The following SUPT5H variants were observed in gnomAD, a reference collection of about 807,000 sequenced individuals.
SUPT5H encodes the protein transcription elongation factor SPT5.
Under a neutral mutation model 142.5 loss-of-function variants are expected in SUPT5H, and 24 were observed. The ratio of observed to expected loss-of-function variants is 0.17; its 90% confidence interval spans 0.12 to 0.24. The LOEUF is 0.24. SUPT5H is among the 10% of genes least tolerant of loss of function. The pLI is 1.00. For synonymous variants in SUPT5H, 546 were observed against 553.0 expected (o/e 0.99, Z 0.18); for missense variants, 893 against 1,471.8 (o/e 0.61, Z 6.43).
chr19:39,458,706 ATCTTC>A lies in SUPT5H; in HGVS notation c.320-111_320-107del. The A allele has an allele frequency of 1.0e-6, 1 of 998,778 alleles. No individual in the cohort carries two copies. Among genetic ancestry groups the A allele is most frequent in the Non-Finnish European group, 1.5e-6 (1 of 679,820 alleles). 61.9% of individuals were successfully genotyped at this position (998,778 alleles called of 1,614,324 possible). On this transcript the variant is annotated intron_variant, in intron 5 of 29. Coordinates refer to ENST00000432763, the MANE Select transcript of SUPT5H (RefSeq NM_001111020.3). This position sits in a 1 kb window ranked among gnomAD's most constrained non-coding sequence, Gnocchi z 4.2. The stretch of plus-strand genomic sequence containing the variant: ...GTTGGGATTTCCTCTGTGAGATGTC[ATCTTC>A]CTGCCCCAGGGCCAAACCCTGGCCC...
At chr19:39,447,539 C>T (rs947725546) in intron 2 of SUPT5H, among the ~76,000 whole-genome samples, 17 of 150,662 alleles carry the variant, frequency 1.1e-4, no homozygotes, top group Admixed American at 4.0e-4. Context: ...CAACCTCAGC[C>T]TCCCGAGTAG....
chr19:39,451,779 G>T (rs1237602457), intron 2 of SUPT5H, among the ~76,000 whole-genome samples: 1 of 152,160 alleles, frequency 6.6e-6, no homozygotes, highest in Non-Finnish European at 1.5e-5. Context: ...TGATCCACCC[G>T]CTTTGGCCTC....
intron 2 of SUPT5H, among the ~76,000 whole-genome samples, chr19:39,451,298 C>T (rs1258848516): frequency 6.7e-6 from 1 of 149,910 alleles, no homozygotes; most frequent in Non-Finnish European, 1.5e-5. Context: ...AAACAATCCT[C>T]CTGCCTCAGC....
At position 39,474,327 on chromosome 19, in the gene SUPT5H, G is replaced by A. The variant is rs201982169; in HGVS notation, c.2745G>A (p.Ala915=). 12 of 1,613,830 alleles carry A rather than the reference G, an allele frequency of 7.4e-6. No individual in the cohort carries two copies. The highest frequency in any genetic ancestry group is 6.7e-5 in the East Asian group (3 of 44,872). Reference sequence around the variant, plus strand: ...GCCCCCAGAGCTACCACCAGGTGGCGCCAAGCCCAGCAGGCTACCAGAATA... The same window carrying A: ...GCCCCCAGAGCTACCACCAGGTGGCACCAAGCCCAGCAGGCTACCAGAATA... ...SPSPQSYHQV[A]PSPAGYQNTH... Residue 915 remains alanine (A), a synonymous_variant, in exon 27 of 30, where the codon GCG becomes GCA. Transcript: ENST00000432763. This position sits in a 1 kb window ranked among gnomAD's most constrained non-coding sequence, Gnocchi z 6.5.
intron 2 of SUPT5H, among the ~76,000 whole-genome samples, chr19:39,451,439 G>A (rs186946863): frequency 5.9e-5 from 9 of 151,712 alleles, no homozygotes; most frequent in East Asian, 3.9e-4. Flanking sequence ...CAGGTGATCC[G>A]CGCGAGCCAC....
In SUPT5H at chr19:39,469,298, A is replaced by G. The variant is rs753571894; in HGVS notation, c.1274A>G (p.Asn425Ser). 3.7e-6 allele frequency: 6 copies of G among 1,614,190 alleles called. No individual in the cohort carries two copies. Among genetic ancestry groups the G allele is most frequent in the Non-Finnish European group, 5.1e-6 (6 of 1,180,016 alleles). The change falls in exon 16 of 30, where the codon AAC becomes AGC. Residue 425 changes from asparagine to serine, a missense_variant. By Grantham distance (46) the Asn-to-Ser change is conservative. Around this residue, in one of 6 missense-constraint regions of SUPT5H, gnomAD observed 428 missense variants for 763.5 expected, o/e 0.56. Coordinates refer to ENST00000432763, the MANE Select transcript of SUPT5H (RefSeq NM_001111020.3). The surrounding 1 kb of genome is among the most constrained non-coding windows in gnomAD (Gnocchi z 5.1). ...GAGCACAACTTCCAACCTGGGGACA[A>G]CGTGGAGGTCTGTGAGGGTGAGCTC... Reference protein sequence around the residue: ...EREHNFQPGDNVEVCEGELIN... With the variant: ...EREHNFQPGDSVEVCEGELIN...
At position 39,473,006 on chromosome 19, in the gene SUPT5H, C is replaced by G. The variant is rs374819734; in HGVS notation, c.2156-6C>G. ...CTGCCCAGCCTGACCTCCTGTCCCC[C>G]TGCAGGCTACATCGGTGTGGTGAAA... On this transcript the variant is annotated splice_polypyrimidine_tract_variant and splice_region_variant and intron_variant, in intron 22 of 29. Coordinates refer to ENST00000432763, the MANE Select transcript of SUPT5H (RefSeq NM_001111020.3). This position sits in a 1 kb window ranked among gnomAD's most constrained non-coding sequence, Gnocchi z 5.8. The G allele has an allele frequency of 1.1e-4, 181 of 1,613,462 alleles. No individual in the cohort carries two copies. The highest frequency in any genetic ancestry group is 1.5e-4 in the Non-Finnish European group (176 of 1,179,664).
At chr19:39,446,295 C>T (rs903459074) in intron 2 of SUPT5H, among the ~76,000 whole-genome samples, 7 of 151,954 alleles carry the variant, frequency 4.6e-5, no homozygotes, top group Admixed American at 2.6e-4. Context: ...GTACCAGGCG[C>T]AATTCTTTGC....
chr19:39,472,821 G>T lies in SUPT5H; in HGVS notation c.2047G>T (p.Gly683Cys). The change falls in exon 22 of 30, where the codon GGC (glycine) becomes TGC (cysteine). Residue 683 changes from glycine (G) to cysteine (C), a missense_variant. Gly to Cys is a radical substitution (Grantham distance 159, BLOSUM62 -3). Coordinates refer to ENST00000432763, the MANE Select transcript of SUPT5H (RefSeq NM_001111020.3). This position sits in a 1 kb window ranked among gnomAD's most constrained non-coding sequence, Gnocchi z 4.2. ...TCCCCAATCCCCAGGTCAGCGTGGC[G>T]GCTTTGGTAGCCCAGGTGGCGGCAG... ...MHPSAGGQRG[G>C]FGSPGGGSGG... The T allele has an allele frequency of 6.2e-7, 1 of 1,613,052 alleles. No homozygotes were observed. The highest frequency in any genetic ancestry group is 2.2e-5 in the East Asian group (1 of 44,886).
chr19:39,474,025 G>A lies in SUPT5H; in HGVS notation c.2555G>A (p.Gly852Glu). Residue 852 changes from glycine to glutamate, a missense_variant, in exon 26 of 30, where the codon GGG (glycine) becomes GAG (glutamate). By Grantham distance (98) the Gly-to-Glu change is moderately conservative. Around this residue, in one of 6 missense-constraint regions of SUPT5H, gnomAD observed 336 missense variants for 546.5 expected, o/e 0.61. Transcript: ENST00000432763. The surrounding 1 kb of genome is among the most constrained non-coding windows in gnomAD (Gnocchi z 6.5). Reference sequence around the variant, plus strand: ...CCCACCCCGTCCCCGCAGGCCTATGGGGGAACCCCCAATCCCCAAACACCT... The same window carrying A: ...CCCACCCCGTCCCCGCAGGCCTATGAGGGAACCCCCAATCCCCAAACACCT... ...DEPTPSPQAY[G>E]GTPNPQTPGY... 1 of 1,613,542 alleles carries A rather than the reference G, an allele frequency of 6.2e-7. No homozygotes were observed. The highest frequency in any genetic ancestry group is 1.1e-5 in the South Asian group (1 of 91,054).
rs1015888512 is a variant in SUPT5H, at chr19:39,476,100, A to G, written c.3044A>G (p.Tyr1015Cys). 1.1e-5 allele frequency: 17 copies of G among 1,613,954 alleles called. No individual in the cohort carries two copies. The highest frequency in any genetic ancestry group is 1.4e-5 in the Non-Finnish European group (16 of 1,180,020). ...RSVTGGMCSV[Y>C]LKDSEKVVSI... ...CTCCAGGGGGGCATGTGCTCTGTGT[A>G]CCTGAAGGACAGTGAGAAGGTTGTC... The change falls in exon 29 of 30, where the codon TAC (tyrosine) becomes TGC (cysteine). Residue 1015 changes from tyrosine to cysteine, a missense_variant. Transcript: ENST00000432763.
intron 3 of SUPT5H, among the ~76,000 whole-genome samples, chr19:39,457,282 C>G (rs1349043554): frequency 6.6e-6 from 1 of 152,218 alleles, no homozygotes. Flanking sequence ...ATAGTATGCT[C>G]TCAGCATTAG....
intron 2 of SUPT5H, among the ~76,000 whole-genome samples, chr19:39,451,475 G>A (rs1452151254): frequency 6.6e-6 from 1 of 151,882 alleles, no homozygotes; most frequent in African/African-American, 2.4e-5. Context: ...CATGACCTTT[G>A]AGCATTATGT....
rs2146131650 is a variant in SUPT5H at position 39,474,823 on chromosome 19, G to A, written c.3024+105G>A. ...ATGGTGACAGCCCAGAGTGGGCAGA[G>A]CTGGGATTGAGGAAGCCTAGAGGGC... On this transcript the variant is annotated intron_variant, in intron 28 of 29. Coordinates refer to ENST00000432763, the MANE Select transcript of SUPT5H (RefSeq NM_001111020.3). This position sits in a 1 kb window ranked among gnomAD's most constrained non-coding sequence, Gnocchi z 6.5. 7.6e-7 allele frequency: 1 copy of A among 1,320,616 alleles called. No individual in the cohort carries two copies. Among genetic ancestry groups the A allele is most frequent in the Non-Finnish European group, 1.0e-6 (1 of 955,746 alleles). 81.8% of individuals were successfully genotyped at this position (1,320,616 alleles called of 1,614,324 possible).
In SUPT5H at chr19:39,473,959, A is replaced by G. The variant is rs765863096; in HGVS notation, c.2493-4A>G. On this transcript the variant is annotated splice_polypyrimidine_tract_variant and splice_region_variant and intron_variant, in intron 25 of 29. Transcript: ENST00000432763. The surrounding 1 kb of genome is among the most constrained non-coding windows in gnomAD (Gnocchi z 5.8). ...TCGCTGTCAACAGACTTTTCTCCCA[A>G]CAGGGCTGAGGAAGAATATGAGTAT... 11 of 1,613,704 alleles carry G rather than the reference A, an allele frequency of 6.8e-6. No homozygotes were observed. The highest frequency in any genetic ancestry group is 4.0e-5 in the African/African-American group (3 of 74,872).
At chr19:39,451,792 A>G (rs958417764) in intron 2 of SUPT5H, among the ~76,000 whole-genome samples, 3 of 152,058 alleles carry the variant, frequency 2.0e-5, no homozygotes, top group African/African-American at 4.8e-5. Context: ...TTGGCCTCCT[A>G]AAGTGTTGGG....
chr19:39,473,435 C>T lies in SUPT5H; in HGVS notation c.2406C>T (p.Tyr802=), dbSNP rs771042234. The T allele has an allele frequency of 1.2e-5, 20 of 1,613,390 alleles. No individual in the cohort carries two copies. Among genetic ancestry groups the T allele is most frequent in the South Asian group, 1.1e-4 (10 of 91,076 alleles). The change falls in exon 25 of 30, where the codon TAC becomes TAT. Residue 802 remains tyrosine (Y), a synonymous_variant. Transcript: ENST00000432763. This position sits in a 1 kb window ranked among gnomAD's most constrained non-coding sequence, Gnocchi z 5.8. The stretch of plus-strand genomic sequence containing the variant: ...TTCCAGGTAGCCGCACCCCACACTA[C>T]GGCTCACAGACGCCCCTGCATGATG... ...PLQDGSRTPH[Y]GSQTPLHDGS...
chr19:39,458,213 A>G lies in SUPT5H; in HGVS notation c.308-81A>G. 6.4e-7 allele frequency: 1 copy of G among 1,557,814 alleles called. No homozygotes were observed. Among genetic ancestry groups the G allele is most frequent in the Non-Finnish European group, 8.6e-7 (1 of 1,157,962 alleles). Reference sequence around the variant, plus strand: ...TGATTTTGCTGCTATAATTTGGCTCATACTTTGTCTGCCCTCGCCCACCAC... The same window carrying G: ...TGATTTTGCTGCTATAATTTGGCTCGTACTTTGTCTGCCCTCGCCCACCAC... On this transcript the variant is annotated intron_variant, in intron 4 of 29. Coordinates refer to ENST00000432763, the MANE Select transcript of SUPT5H (RefSeq NM_001111020.3). The surrounding 1 kb of genome is among the most constrained non-coding windows in gnomAD (Gnocchi z 4.2).
rs2079293604 is a variant in SUPT5H, at chr19:39,469,781, T to C, written c.1375-338T>C. 2.1e-6 allele frequency: 1 copy of C among 470,446 alleles called. No individual in the cohort carries two copies. The highest frequency in any genetic ancestry group is 3.6e-5 in the Admixed American group (1 of 27,960). 29.1% of individuals were successfully genotyped at this position (470,446 alleles called of 1,614,324 possible). On this transcript the variant is annotated intron_variant, in intron 16 of 29. Coordinates refer to ENST00000432763, the MANE Select transcript of SUPT5H (RefSeq NM_001111020.3). This position sits in a 1 kb window ranked among gnomAD's most constrained non-coding sequence, Gnocchi z 5.1. ...GAGGGGTTGTGCAGGCCCAGTGTGATGTGTGGGGTGAGGCTGTCTCCGGGT... is the reference window on the plus strand; with the variant it reads ...GAGGGGTTGTGCAGGCCCAGTGTGACGTGTGGGGTGAGGCTGTCTCCGGGT...
Sources: gnomAD v4.1 joint callset for allele counts (sites outside exome capture counted in the v4.1 genomes callset) on GRCh38, gnomAD v4.1.1 for gene constraint, gnomAD v4.1.1 regional missense constraint, Gnocchi (gnomAD v3.1) non-coding constraint, MANE v1.5 for transcripts, NCBI Gene and HGNC (gene_info 2026-07-23, HGNC 2026-07-21) for gene names.